PAPOLA: variants seen among roughly 807,000 people sequenced by gnomAD.
The protein encoded by PAPOLA is poly(A) polymerase alpha.
A neutral mutation model predicts 100.6 loss-of-function variants in PAPOLA; 15 were observed. The ratio of observed to expected loss-of-function variants is 0.15; its 90% confidence interval spans 0.10 to 0.23. PAPOLA has a LOEUF of 0.23. Among genes scored for constraint, PAPOLA ranks in the 10% least tolerant of loss-of-function variants. The pLI is 1.00. For missense variants in PAPOLA, 533 were observed against 884.2 expected, an observed-to-expected ratio of 0.60 and a Z score of 5.04; for synonymous variants, 293 against 300.0, an observed-to-expected ratio of 0.98 and a Z score of 0.24.
At chr14:96,504,386 C>G (rs897966722) in intron 1 of PAPOLA, 1 of 152,160 alleles carries the variant, frequency 6.6e-6, no homozygotes, top group Non-Finnish European at 1.5e-5. Context: ...TCAAATTCTT[C>G]GCGAGTTAGT....
chr14:96,555,768 A>AT, intron 17 of PAPOLA, 79 bp from the exon 18 acceptor site: 1 of 669,892 alleles, frequency 1.5e-6, no homozygotes, highest in Non-Finnish European at 2.5e-6. Context: ...ATTTCTATAT[A>AT]TGTTATAGAT....
intron 1 of PAPOLA, among the ~76,000 whole-genome samples, chr14:96,515,035 C>G (rs1207980769): frequency 2.0e-5 from 3 of 152,016 alleles, no homozygotes; most frequent in Non-Finnish European, 1.5e-5. Flanking sequence ...GGAAGACATA[C>G]TTAGTAGTAA....
chr14:96,531,563 T>A lies in PAPOLA; in HGVS notation c.584T>A (p.Ile195Lys). Residue 195 changes from isoleucine to lysine, a missense_variant, in exon 7 of 22, where the codon ATA (isoleucine) becomes AAA (lysine). Ile to Lys is a moderately radical substitution (Grantham distance 102). Coordinates refer to ENST00000216277, the MANE Select transcript of PAPOLA (RefSeq NM_032632.5). ...GACAGTCTGCTAAAAAATTTAGATA[T>A]AAGATGTATAAGAAGTCTTAACGGT... The part of the protein sequence containing the change: ...RDDSLLKNLD[I>K]RCIRSLNGCR... The A allele has an allele frequency of 6.2e-7, 1 of 1,606,224 alleles. No individual in the cohort carries two copies. Among genetic ancestry groups the A allele is most frequent in the Non-Finnish European group, 8.5e-7 (1 of 1,174,700 alleles).
At chr14:96,558,364 A>G (rs1901536266) in intron 19 of PAPOLA, among the ~76,000 whole-genome samples, 1 of 152,186 alleles carries the variant, frequency 6.6e-6, no homozygotes, top group Admixed American at 6.5e-5. Context: ...TTCAGAACTC[A>G]AATTTCTTTT....
chr14:96,531,394 T>A, intron 6 of PAPOLA, 81 bp from the exon 7 acceptor site: 1 of 1,114,452 alleles, frequency 9.0e-7, no homozygotes, highest in Non-Finnish European at 1.3e-6. Context: ...AGTGCTGGGA[T>A]TTTTTGTTTG....
At chr14:96,503,322 C>T (rs1896461240) in intron 1 of PAPOLA, among the ~76,000 whole-genome samples, 1 of 152,062 alleles carries the variant, frequency 6.6e-6, no homozygotes, top group Admixed American at 6.5e-5. Context: ...AGGTTTCATT[C>T]TGTTTCCTTC....
At position 96,565,086 on chromosome 14, in the gene PAPOLA, A is replaced by G. The variant is rs1595566358; in HGVS notation, c.*36A>G. The G allele has an allele frequency of 2.0e-6, 2 of 1,006,218 alleles. No individual in the cohort carries two copies. The highest frequency in any genetic ancestry group is 1.3e-5 in the South Asian group (1 of 78,820). 62.3% of individuals were successfully genotyped at this position (1,006,218 alleles called of 1,614,324 possible). ...AGGGGTCCATAAACAATATCTGCCA[A>G]CTCAACCTGTTGTCTTCAAATGCTA... On this transcript the variant is annotated 3_prime_UTR_variant, in exon 22 of 22. Transcript: ENST00000216277.
intron 1 of PAPOLA, among the ~76,000 whole-genome samples, chr14:96,511,281 C>T (rs554634136): frequency 2.6e-5 from 4 of 152,090 alleles, no homozygotes; most frequent in Admixed American, 2.0e-4. Context: ...GAGACACAGG[C>T]GGGCTGTGGT....
chr14:96,525,590 G>A (rs1047263734), intron 4 of PAPOLA, among the ~76,000 whole-genome samples, 199 bp downstream of exon 4: 2 of 152,028 alleles, frequency 1.3e-5, no homozygotes. Flanking sequence ...GTATTATTAA[G>A]ATTAAATGAA....
At chr14:96,507,182 T>C (rs1896772337) in intron 1 of PAPOLA, among the ~76,000 whole-genome samples, 1 of 152,046 alleles carries the variant, frequency 6.6e-6, no homozygotes, top group African/African-American at 2.4e-5. Context: ...CAGAAGCAGC[T>C]ATGAGAATCC....
At chr14:96,518,832 G>A (rs372814903) in intron 1 of PAPOLA, among the ~76,000 whole-genome samples, 19 of 152,034 alleles carry the variant, frequency 1.2e-4, no homozygotes, top group East Asian at 6.0e-4. Context: ...CAAAGGGAGC[G>A]GATCACTTGA....
Position 96,502,503 on chromosome 14 carries a change from C to G in PAPOLA, c.-90C>G, listed in dbSNP as rs779353082. 47 of 1,047,294 alleles carry G rather than the reference C, an allele frequency of 4.5e-5. No homozygotes were observed. Among genetic ancestry groups the G allele is most frequent in the Middle Eastern group, 2.2e-4 (1 of 4,594 alleles). 64.9% of individuals were successfully genotyped at this position (1,047,294 alleles called of 1,614,324 possible). A position where few individuals can be genotyped will look rare whatever the true frequency, so the allele number is the denominator to read the frequency against. On this transcript the variant is annotated 5_prime_UTR_variant, in exon 1 of 22. Coordinates refer to ENST00000216277, the MANE Select transcript of PAPOLA (RefSeq NM_032632.5). ...GACCCAGGGCTGAGGCAGGCCCCCC[C>G]CTCCCTCCCGCCTCAGTGGATCATG...
At chr14:96,515,544 A>G (rs1335871190) in intron 1 of PAPOLA, among the ~76,000 whole-genome samples, 1 of 152,246 alleles carries the variant, frequency 6.6e-6, no homozygotes, top group African/African-American at 2.4e-5. Context: ...GCTACTAAAA[A>G]TAGTTCTTAA....
At chr14:96,513,209 C>T (rs1290347554) in intron 1 of PAPOLA, among the ~76,000 whole-genome samples, 1 of 152,048 alleles carries the variant, frequency 6.6e-6, no homozygotes, top group Non-Finnish European at 1.5e-5. Flanking sequence ...GACTACACTA[C>T]AGGTGCATGC....
chr14:96,513,394 TA>T (rs1219803749), intron 1 of PAPOLA, among the ~76,000 whole-genome samples: 1 of 152,210 alleles, frequency 6.6e-6, no homozygotes. Context: ...TTATGTAATT[TA>T]TATTTTAAAA....
chr14:96,503,541 C>T (rs1896488341), intron 1 of PAPOLA, among the ~76,000 whole-genome samples: 1 of 151,666 alleles, frequency 6.6e-6, no homozygotes, highest in Admixed American at 6.6e-5. Context: ...AAATATACAG[C>T]ATTGTAGAGG....
intron 1 of PAPOLA, among the ~76,000 whole-genome samples, chr14:96,518,776 G>A (rs1380613187): frequency 6.6e-6 from 1 of 152,060 alleles, no homozygotes; most frequent in Non-Finnish European, 1.5e-5. Context: ...AGTAGCTGTG[G>A]TTGGGCATGG....
At chr14:96,553,849 G>A (rs1041792589) in intron 17 of PAPOLA, among the ~76,000 whole-genome samples, 4 of 152,178 alleles carry the variant, frequency 2.6e-5, no homozygotes, top group East Asian at 1.9e-4. Context: ...AGTGCGGGTT[G>A]GGGAGGATTC....
intron 1 of PAPOLA, among the ~76,000 whole-genome samples, chr14:96,516,412 G>C (rs1206434415): frequency 6.9e-6 from 1 of 145,142 alleles, no homozygotes; most frequent in Admixed American, 7.0e-5. Context: ...CTCCCTCCTG[G>C]GCTCCTATCT....
Sources: allele counts gnomAD v4.1 joint callset (sites outside exome capture counted in the v4.1 genomes callset), GRCh38; gene constraint gnomAD v4.1.1; transcripts MANE v1.5; gene names NCBI Gene and HGNC (gene_info 2026-07-23, HGNC 2026-07-21).